The following ZBTB20 variants were observed in gnomAD, a reference collection of about 807,000 sequenced individuals.
ZBTB20 encodes zinc finger and BTB domain-containing protein 20.
A neutral mutation model predicts 56.9 loss-of-function variants in ZBTB20; 9 were observed. The observed-to-expected ratio is 0.16, with a 90% CI of 0.10 to 0.28. The LOEUF (loss-of-function observed/expected upper bound fraction) is 0.28, where lower values mean the gene tolerates loss of function less well. ZBTB20 is among the 10% of genes least tolerant of loss of function. The pLI is 1.00. For synonymous variants in ZBTB20, 417 were observed against 420.7 expected (o/e 0.99, Z 0.11); for missense variants, 655 against 1,003.0 (o/e 0.65, Z 4.69).
chr3:114,546,517 T>C (rs771686642), intron 6 of ZBTB20, among the ~76,000 whole-genome samples: 1 of 151,676 alleles, frequency 6.6e-6, no homozygotes, highest in African/African-American at 2.4e-5. Context: ...GGGTTATGGA[T>C]ATATGGATAT....
chr3:114,647,460 T>C (rs1409961939), intron 6 of ZBTB20, among the ~76,000 whole-genome samples: 1 of 152,214 alleles, frequency 6.6e-6, no homozygotes, highest in Non-Finnish European at 1.5e-5. Context: ...GGGTGGCAGC[T>C]TGGAGTTCTC....
chr3:115,061,176 T>C (rs1035917765), intron 2 of ZBTB20, among the ~76,000 whole-genome samples: 1 of 152,110 alleles, frequency 6.6e-6, no homozygotes, highest in Non-Finnish European at 1.5e-5. Flanking sequence ...TAAATGGAGA[T>C]AATAAAATTT....
chr3:115,138,774 A>G (rs1405765997), intron 1 of ZBTB20, among the ~76,000 whole-genome samples: 2 of 152,088 alleles, frequency 1.3e-5, no homozygotes, highest in African/African-American at 4.8e-5. Context: ...GATCTCAGTA[A>G]ATGTTGGCTA....
chr3:115,013,809 T>G (rs1339310915), intron 2 of ZBTB20, among the ~76,000 whole-genome samples: 1 of 151,674 alleles, frequency 6.6e-6, no homozygotes, highest in Non-Finnish European at 1.5e-5. Flanking sequence ...CCTTGTACAC[T>G]ATTGGTGGAA....
intron 6 of ZBTB20, among the ~76,000 whole-genome samples, chr3:114,594,764 C>T (rs557540224): frequency 3.4e-4 from 51 of 152,166 alleles, no homozygotes; most frequent in African/African-American, 1.1e-3. Flanking sequence ...ATGGAAAATA[C>T]CAAAAATGTT....
At chr3:114,566,046 C>T (rs1426245643) in intron 6 of ZBTB20, among the ~76,000 whole-genome samples, 2 of 150,680 alleles carry the variant, frequency 1.3e-5, no homozygotes, top group Non-Finnish European at 2.9e-5. Context: ...CCCCTACCGA[C>T]CCCCGAAAGA....
chr3:114,884,195 G>T (rs1041510533), intron 4 of ZBTB20, among the ~76,000 whole-genome samples: 1 of 151,970 alleles, frequency 6.6e-6, no homozygotes, highest in Non-Finnish European at 1.5e-5. Flanking sequence ...AAAGTGCTGG[G>T]ATTACAGGCG....
intron 5 of ZBTB20, among the ~76,000 whole-genome samples, chr3:114,715,442 T>C (rs1212759724): frequency 2.6e-5 from 4 of 152,160 alleles, no homozygotes; most frequent in Non-Finnish European, 5.9e-5. Context: ...CTCAGAGAAA[T>C]GGTACATTCA....
At chr3:114,396,879 T>C (rs753573705) in intron 7 of ZBTB20, among the ~76,000 whole-genome samples, 2 of 152,156 alleles carry the variant, frequency 1.3e-5, no homozygotes, top group Non-Finnish European at 2.9e-5. Context: ...CCCCTTTTCT[T>C]AGCTCTCATA....
intron 4 of ZBTB20, among the ~76,000 whole-genome samples, chr3:114,805,698 C>T (rs141509048): frequency 6.6e-6 from 1 of 151,790 alleles, no homozygotes; most frequent in African/African-American, 2.4e-5. Flanking sequence ...GTATAACCAT[C>T]ACCTCAATTC....
intron 6 of ZBTB20, among the ~76,000 whole-genome samples, chr3:114,657,760 T>A (rs2060493652): frequency 6.6e-6 from 1 of 152,196 alleles, no homozygotes. Context: ...AGATTCCAAC[T>A]GCTTTTGGTC....
At position 114,388,977 on chromosome 3, in the gene ZBTB20, CCTTTTATTGGAGA is replaced by C. The variant is rs1441095128; in HGVS notation, c.-154+15_-154+27del. ...GTATTAAACAAAGTGAACTAAGAAG[CCTTTTATTGGAGA>C]CATAATGTACTCACAGTAGTTTCAA... On this transcript the variant is annotated intron_variant, in intron 8 of 11. Transcript: ENST00000675478. The C allele has an allele frequency of 6.6e-6, 1 of 151,982 alleles. No individual in the cohort carries two copies. Among genetic ancestry groups the C allele is most frequent in the East Asian group, 1.9e-4 (1 of 5,196 alleles). The allele number at this position is 151,982 out of a possible 1,614,324, so 9.4% of individuals were successfully genotyped here. A position where few individuals can be genotyped will look rare whatever the true frequency, so the allele number is the denominator to read the frequency against.
At position 114,327,542 on chromosome 3, in the gene ZBTB20, T is replaced by A. The variant is rs2079102202; in HGVS notation, c.*11463A>T. Reference sequence around the variant, plus strand: ...AAGTGAAGATCATAGTCCTAAGCAATGTAAATATTGCCTTTAAGAGATGTT... The same window carrying A: ...AAGTGAAGATCATAGTCCTAAGCAAAGTAAATATTGCCTTTAAGAGATGTT... On this transcript the variant is annotated 3_prime_UTR_variant, in exon 12 of 12. Coordinates refer to ENST00000675478, the MANE Select transcript of ZBTB20 (RefSeq NM_001348800.3). 6.6e-6 allele frequency: 1 copy of A among 152,052 alleles called. No homozygotes were observed. 9.4% of individuals were successfully genotyped at this position (152,052 alleles called of 1,614,324 possible). A position where few individuals can be genotyped will look rare whatever the true frequency, so the allele number is the denominator to read the frequency against.
chr3:115,063,332 T>C (rs1382249118), intron 2 of ZBTB20, among the ~76,000 whole-genome samples: 3 of 152,130 alleles, frequency 2.0e-5, no homozygotes, highest in Non-Finnish European at 4.4e-5. Flanking sequence ...GGCTGAGAAG[T>C]CTGAGATTAG....
chr3:114,708,291 G>T (rs1181751746), intron 5 of ZBTB20, among the ~76,000 whole-genome samples: 2 of 152,108 alleles, frequency 1.3e-5, no homozygotes, highest in Non-Finnish European at 2.9e-5. Flanking sequence ...TCAGAGAAAA[G>T]CAACAGCATG....
chr3:114,956,309 C>A (rs977428396), intron 3 of ZBTB20, among the ~76,000 whole-genome samples: 11 of 152,154 alleles, frequency 7.2e-5, no homozygotes, highest in African/African-American at 2.7e-4. Context: ...AAGACAATAA[C>A]CCACAAACAA....
intron 6 of ZBTB20, among the ~76,000 whole-genome samples, chr3:114,535,581 A>G (rs2048366360): frequency 6.6e-6 from 1 of 152,228 alleles, no homozygotes; most frequent in African/African-American, 2.4e-5. Flanking sequence ...AGCTGGTACC[A>G]TTCCTTCTGA....
chr3:114,932,253 C>T (rs569744308), intron 3 of ZBTB20, among the ~76,000 whole-genome samples: 8 of 152,280 alleles, frequency 5.3e-5, no homozygotes, highest in African/African-American at 1.9e-4. Context: ...GAGTGTTTGC[C>T]TAATATCCAA....
intron 6 of ZBTB20, among the ~76,000 whole-genome samples, chr3:114,534,402 G>A (rs540003650): frequency 1.1e-4 from 17 of 152,046 alleles, no homozygotes; most frequent in Non-Finnish European, 1.8e-4. Context: ...AGGGCATTAC[G>A]TAATGGTAAA....
Sources: gnomAD v4.1 joint callset for allele counts (sites outside exome capture counted in the v4.1 genomes callset) on GRCh38, gnomAD v4.1.1 for gene constraint, MANE v1.5 for transcripts, NCBI Gene and HGNC (gene_info 2026-07-23, HGNC 2026-07-21) for gene names.